Variants in FRMD4B observed in about 807,000 individuals in gnomAD.
The protein encoded by FRMD4B is FERM domain-containing protein 4B.
In FRMD4B, 74 loss-of-function variants were observed where a neutral mutation model predicts 141.5. That is an observed-to-expected ratio of 0.52 (90% confidence interval 0.43 to 0.63). FRMD4B has a LOEUF of 0.63. Ranked by LOEUF, FRMD4B falls within the 30% of genes least tolerant of loss-of-function variation. The pLI, the probability that FRMD4B is intolerant of heterozygous loss-of-function variation, is 0.00. For synonymous variants in FRMD4B, 506 were observed against 467.9 expected, an observed-to-expected ratio of 1.08 and a Z score of -1.05; for missense variants, 1,366 against 1,253.4, an observed-to-expected ratio of 1.09 and a Z score of -1.36.
chr3:69,304,309 C>A (rs557090399), intron 3 of FRMD4B, among the ~76,000 whole-genome samples: 13 of 151,748 alleles, frequency 8.6e-5, no homozygotes, highest in Middle Eastern at 3.4e-3. Flanking sequence ...CATGGTGAAA[C>A]CCTGTCTCTA....
At chr3:69,234,436 G>C (rs766490233) in intron 7 of FRMD4B, among the ~76,000 whole-genome samples, 2 of 152,150 alleles carry the variant, frequency 1.3e-5, no homozygotes, top group Non-Finnish European at 2.9e-5. Flanking sequence ...TACTGGCACT[G>C]ACCAAGACCT....
chr3:69,181,373 A>C lies in FRMD4B; in HGVS notation c.2377T>G (p.Tyr793Asp). 1 of 1,613,868 alleles carries C rather than the reference A, an allele frequency of 6.2e-7. No homozygotes were observed. Among genetic ancestry groups the C allele is most frequent in the Non-Finnish European group, 8.5e-7 (1 of 1,179,752 alleles). ...GACGGTGGCTCCTGACTCTTTGAGT[A>C]AACACCATTCCTCAAACTATCCTTT... ...AQKDSLRNGV[Y>D]SKSQEPPSSS... Residue 793 changes from tyrosine to aspartate, a missense_variant, in exon 21 of 23, where the codon TAC becomes GAC. By Grantham distance (160) the Tyr-to-Asp change is radical. Coordinates refer to ENST00000398540, the MANE Select transcript of FRMD4B (RefSeq NM_015123.3).
chr3:69,293,477 G>A (rs1388843675), intron 4 of FRMD4B, among the ~76,000 whole-genome samples: 1 of 151,872 alleles, frequency 6.6e-6, no homozygotes, highest in East Asian at 1.9e-4. Context: ...CAGCCAATGA[G>A]TGGCGGTGAC....
At chr3:69,485,638 C>T (rs886806416) in intron 1 of FRMD4B, among the ~76,000 whole-genome samples, 3 of 152,230 alleles carry the variant, frequency 2.0e-5, no homozygotes, top group African/African-American at 7.2e-5. Context: ...GAGCATGGCA[C>T]CTGGCCCAGC....
intron 5 of FRMD4B, among the ~76,000 whole-genome samples, chr3:69,270,638 T>A (rs1289264766): frequency 1.3e-5 from 2 of 150,728 alleles, no homozygotes. Flanking sequence ...GAATCTCGGC[T>A]CACTGCAACC....
In FRMD4B at chr3:69,530,590, G is replaced by T. The variant is rs1700997420; in HGVS notation, c.-129+11616C>A. Among the ~76,000 whole-genome samples the T allele has an allele frequency of 5.3e-5, 8 of 151,546 alleles. No individual in the cohort carries two copies. The South Asian group carries it at 1.7e-3, about 32-fold the overall frequency. ...TTTTTAATAAATTACCCAGCCTCAG[G>T]TATACCTTTATAGCAACACAAAATG... is the stretch of plus-strand genomic sequence containing the variant. On this transcript the variant is annotated intron_variant, in intron 1 of 5. Coordinates refer to the FRMD4B transcript ENST00000459638.
At chr3:69,208,024 C>T (rs1161766457) in intron 11 of FRMD4B, among the ~76,000 whole-genome samples, 1 of 151,978 alleles carries the variant, frequency 6.6e-6, no homozygotes, top group Non-Finnish European at 1.5e-5. Context: ...GGATTATGGG[C>T]ACCCGCCACC....
chr3:69,424,653 A>AT (rs1370768243), intron 2 of FRMD4B, among the ~76,000 whole-genome samples: 14 of 152,110 alleles, frequency 9.2e-5, no homozygotes, highest in Non-Finnish European at 2.1e-4. Context: ...CAAATGAGAT[A>AT]TTTTTTCTCC....
At chr3:69,208,946 C>A (rs555879898) in intron 11 of FRMD4B, among the ~76,000 whole-genome samples, 204 of 152,190 alleles carry the variant, frequency 1.3e-3, no homozygotes, top group Non-Finnish European at 2.3e-3. Flanking sequence ...GGGTTCGAGG[C>A]CAGCCTGGCC....
rs2093128768 is a variant in FRMD4B, at chr3:69,215,282, CTCTT to C, written c.876+977_876+980del. On this transcript the variant is annotated intron_variant, in intron 11 of 22. Transcript: ENST00000398540. ...AATCCAAATCTGATAGATTGTGACC[CTCTT>C]TTTTTTTTTTTTTTTTTTTTTTTTG... Among the ~76,000 whole-genome samples the C allele has an allele frequency of 8.0e-5, 3 of 37,496 alleles. No individual in the cohort carries two copies. In the East Asian group the frequency reaches 1.3e-3, roughly 16 times the overall value. 24.6% of individuals were successfully genotyped at this position (37,496 alleles called of 152,430 possible).
chr3:69,215,282 C>CTTTGTTTTTTTTT (rs1559724064), intron 11 of FRMD4B, among the ~76,000 whole-genome samples: 5 of 37,474 alleles, frequency 1.3e-4, no homozygotes, highest in African/African-American at 3.3e-4. Flanking sequence ...GATTGTGACC[C>CTTTGTTTTTTTTT]TCTTTTTTTT....
chr3:69,390,431 A>G (rs940585717), upstream of FRMD4B, among the ~76,000 whole-genome samples: 9 of 152,192 alleles, frequency 5.9e-5, no homozygotes, highest in African/African-American at 2.2e-4. Context: ...TGGCAATGTC[A>G]GAAGACGTTT....
At chr3:69,317,180 T>C (rs931240454) in intron 1 of FRMD4B, among the ~76,000 whole-genome samples, 7 of 152,224 alleles carry the variant, frequency 4.6e-5, no homozygotes, top group Non-Finnish European at 8.8e-5. Context: ...TTCTAGACTA[T>C]TCAACTGTAG....
At chr3:69,489,700 G>C (rs1209163215) in intron 1 of FRMD4B, among the ~76,000 whole-genome samples, 1 of 152,164 alleles carries the variant, frequency 6.6e-6, no homozygotes, top group Non-Finnish European at 1.5e-5. Flanking sequence ...TAAACATAGT[G>C]TTGCCATATA....
rs1014484807 is a variant in FRMD4B at position 69,476,344 on chromosome 3, G to GT, written c.-128-43584dup. ...GGGTTTTTATGGTTTTAGGTCTAAC[G>GT]TTTAAGTCTTTATTCCATCTTGAAT... On this transcript the variant is annotated intron_variant, in intron 1 of 5. Transcript: ENST00000459638. 2.7e-3 allele frequency among the ~76,000 whole-genome samples: 405 copies of GT among 152,072 alleles called. 4 individuals carry two copies. The highest frequency in any genetic ancestry group is 9.5e-3 in the African/African-American group (393 of 41,432).
At chr3:69,178,625 T>C (rs926325608) in intron 21 of FRMD4B, among the ~76,000 whole-genome samples, 3 of 149,398 alleles carry the variant, frequency 2.0e-5, no homozygotes, top group South Asian at 2.1e-4. Flanking sequence ...TGAGGTATAA[T>C]AGTATCACTG....
intron 1 of FRMD4B, among the ~76,000 whole-genome samples, chr3:69,354,613 C>T (rs1332676319): frequency 6.6e-6 from 1 of 152,114 alleles, no homozygotes; most frequent in African/African-American, 2.4e-5. Flanking sequence ...TTCAGGAGTG[C>T]TGGGGAAATT....
At chr3:69,250,286 T>TGC (rs779534048) in intron 5 of FRMD4B, 187 bp from the exon 6 acceptor site, 3 of 488,378 alleles carry the variant, frequency 6.1e-6, no homozygotes, top group Non-Finnish European at 7.1e-6. Flanking sequence ...AACCACTGTG[T>TGC]GTGCGTGTGT....
chr3:69,460,168 A>C (rs1705687570), intron 1 of FRMD4B, among the ~76,000 whole-genome samples: 1 of 152,208 alleles, frequency 6.6e-6, no homozygotes, highest in South Asian at 2.1e-4. Context: ...ACATGGCTTT[A>C]TACTCAGATG....
Sources: gnomAD v4.1 joint callset for allele counts (sites outside exome capture counted in the v4.1 genomes callset) on GRCh38, gnomAD v4.1.1 for gene constraint, MANE v1.5 for transcripts, NCBI Gene and HGNC (gene_info 2026-07-23, HGNC 2026-07-21) for gene names.